The following TBL1XR1 variants were observed in gnomAD, a reference collection of about 807,000 sequenced individuals.
TBL1XR1 encodes the protein TBL1X/Y related 1.
TBL1XR1 carries 5 observed loss-of-function variants against 66.9 expected under a neutral mutation model. The observed-to-expected ratio is 0.07, with a 90% confidence interval of 0.04 to 0.16. TBL1XR1 has a LOEUF of 0.16. Among genes scored for constraint, TBL1XR1 ranks in the 10% least tolerant of loss-of-function variants. TBL1XR1 has a pLI of 1.00. For missense variants in TBL1XR1, 238 were observed against 623.2 expected (o/e 0.38, Z 6.58); for synonymous variants, 210 against 206.0 (o/e 1.02, Z -0.17).
intron 15 of TBL1XR1, 71 bp from the exon 16 acceptor site, chr3:177,025,595 T>C (rs1249123935): frequency 1.2e-5 from 17 of 1,423,148 alleles, no homozygotes; most frequent in Admixed American, 3.7e-5. Context: ...AACTTTTCTA[T>C]AGTACAATTT....
At chr3:177,192,922 G>A (rs1736347773) in intron 1 of TBL1XR1, among the ~76,000 whole-genome samples, 1 of 152,114 alleles carries the variant, frequency 6.6e-6, no homozygotes, top group Non-Finnish European at 1.5e-5. Flanking sequence ...GGAGGCCGAG[G>A]CAGGCACGTT....
Position 177,047,422 on chromosome 3 carries a change from A to T in TBL1XR1, c.767-25T>A, listed in dbSNP as rs749676930. ...CCTAAAATGCAAAAGAAAAACATTAACATTATTTTAAATTTTCTATCTTTA... is the reference window on the plus strand; with the variant it reads ...CCTAAAATGCAAAAGAAAAACATTATCATTATTTTAAATTTTCTATCTTTA... On this transcript the variant is annotated intron_variant, in intron 8 of 15. Transcript: ENST00000457928. 8 of 1,600,620 alleles carry T rather than the reference A, an allele frequency of 5.0e-6. No homozygotes were observed. The East Asian group carries it at 1.8e-4, about 36-fold the overall frequency.
intron 1 of TBL1XR1, among the ~76,000 whole-genome samples, chr3:177,195,129 A>C (rs904375729): frequency 1.1e-4 from 16 of 152,140 alleles, no homozygotes; most frequent in African/African-American, 3.6e-4. Flanking sequence ...CAAACGTCAA[A>C]AAAAATAGTA....
rs1717453156 is a variant in TBL1XR1 at position 177,053,992 on chromosome 3, C to T, written c.59-74G>A. ...TGCTAAATGACACAGAAAGAAAGAT[C>T]ACCATCATCTTTTCAAATCCCATCC... On this transcript the variant is annotated intron_variant, in intron 3 of 15. Transcript: ENST00000457928. 21 of 1,458,020 alleles carry T rather than the reference C, an allele frequency of 1.4e-5. 1 individual carries two copies. The South Asian group carries it at 2.5e-4, about 17-fold the overall frequency. The allele number at this position is 1,458,020 out of a possible 1,614,324, so 90.3% of individuals were successfully genotyped here.
In TBL1XR1 at chr3:177,066,330, C is replaced by T. The variant is rs535690458; in HGVS notation, c.-45-1308G>A. On this transcript the variant is annotated intron_variant, in intron 2 of 15. Coordinates refer to ENST00000457928, the MANE Select transcript of TBL1XR1 (RefSeq NM_024665.7). ...TTCTAGTGGACACACACAGAAGAAG[C>T]CCTAACTAAAGTTAGCAGTCTAGGA... 1.2e-4 allele frequency among the ~76,000 whole-genome samples: 19 copies of T among 152,136 alleles called. No homozygotes were observed. In the South Asian group the frequency reaches 4.0e-3, roughly 32 times the overall value.
chr3:177,127,214 GTA>G (rs1475802539), intron 1 of TBL1XR1, among the ~76,000 whole-genome samples: 1 of 152,124 alleles, frequency 6.6e-6, no homozygotes, highest in Non-Finnish European at 1.5e-5. Flanking sequence ...AGCTCAACTT[GTA>G]TATCTAGTTC....
chr3:177,140,479 T>C (rs1471644725), intron 1 of TBL1XR1, among the ~76,000 whole-genome samples: 1 of 152,208 alleles, frequency 6.6e-6, no homozygotes, highest in Non-Finnish European at 1.5e-5. Context: ...AAAGCACTGC[T>C]GTCAAGTCAG....
At chr3:177,163,068 T>C (rs1048535684) in intron 1 of TBL1XR1, among the ~76,000 whole-genome samples, 1 of 152,180 alleles carries the variant, frequency 6.6e-6, no homozygotes, top group African/African-American at 2.4e-5. Context: ...GATATCCTTT[T>C]ATGCATAGGG....
intron 1 of TBL1XR1, among the ~76,000 whole-genome samples, chr3:177,136,006 C>T (rs1182261123): frequency 6.6e-6 from 1 of 152,052 alleles, no homozygotes; most frequent in Non-Finnish European, 1.5e-5. Flanking sequence ...CCAAATCTCT[C>T]CATCTTCCCT....
intron 2 of TBL1XR1, among the ~76,000 whole-genome samples, chr3:177,068,295 T>C (rs1450323545): frequency 5.3e-5 from 8 of 152,194 alleles, no homozygotes; most frequent in African/African-American, 1.9e-4. Flanking sequence ...TGTATACTCA[T>C]AAAAGCTTTT....
At chr3:177,083,199 C>T (rs892277443) in intron 2 of TBL1XR1, among the ~76,000 whole-genome samples, 4 of 152,028 alleles carry the variant, frequency 2.6e-5, no homozygotes, top group African/African-American at 9.7e-5. Context: ...ATAATTTCCT[C>T]CCATAGCATT....
At chr3:177,028,636 C>T (rs529499485) in intron 14 of TBL1XR1, among the ~76,000 whole-genome samples, 6 of 152,108 alleles carry the variant, frequency 3.9e-5, no homozygotes, top group Non-Finnish European at 5.9e-5. Context: ...GGAGGTATAA[C>T]GTATTTATGG....
intron 1 of TBL1XR1, among the ~76,000 whole-genome samples, chr3:177,164,630 G>A (rs1346826100): frequency 6.6e-6 from 1 of 151,960 alleles, no homozygotes; most frequent in Non-Finnish European, 1.5e-5. Context: ...TTACAGGCGT[G>A]AGCCACTGCG....
At chr3:177,155,835 C>T (rs994491257) in intron 1 of TBL1XR1, among the ~76,000 whole-genome samples, 8 of 152,018 alleles carry the variant, frequency 5.3e-5, no homozygotes, top group African/African-American at 1.9e-4. Flanking sequence ...CATGGAGAAA[C>T]CCCATCTCTA....
At chr3:177,134,527 A>C (rs952651742) in intron 1 of TBL1XR1, among the ~76,000 whole-genome samples, 1 of 152,224 alleles carries the variant, frequency 6.6e-6, no homozygotes, top group East Asian at 1.9e-4. Context: ...AAGTGAAAAC[A>C]ATCAGTTATA....
intron 1 of TBL1XR1, among the ~76,000 whole-genome samples, chr3:177,185,952 A>G (rs1270007063): frequency 6.6e-6 from 1 of 152,166 alleles, no homozygotes; most frequent in Non-Finnish European, 1.5e-5. Flanking sequence ...TGGAGGGTAA[A>G]GTGAGCCATG....
At position 177,112,105 on chromosome 3, in the gene TBL1XR1, A is replaced by AT. The variant is rs1437717145; in HGVS notation, c.-121-13565dup. On this transcript the variant is annotated intron_variant, in intron 1 of 15. Transcript: ENST00000457928. ...TATATATATATATATATATATATATATATTTTTTTTTTTTTTTTTTGTGAG... is the reference window on the plus strand; with the variant it reads ...TATATATATATATATATATATATATATTATTTTTTTTTTTTTTTTTTGTGAG... Among the ~76,000 whole-genome samples the AT allele has an allele frequency of 5.7e-3, 229 of 40,252 alleles. 1 individual carries two copies. The highest frequency in any genetic ancestry group is 0.012 in the Admixed American group (42 of 3,608). 26.4% of individuals were successfully genotyped at this position (40,252 alleles called of 152,430 possible). A position where few individuals can be genotyped will look rare whatever the true frequency, so the allele number is the denominator to read the frequency against.
intron 1 of TBL1XR1, among the ~76,000 whole-genome samples, chr3:177,140,942 T>C (rs1729559861): frequency 6.6e-6 from 1 of 152,182 alleles, no homozygotes; most frequent in South Asian, 2.1e-4. Context: ...GTATATTATA[T>C]ATGGCCCAAG....
intron 2 of TBL1XR1, among the ~76,000 whole-genome samples, chr3:177,084,345 G>A (rs1027172116): frequency 9.2e-5 from 14 of 152,078 alleles, no homozygotes; most frequent in African/African-American, 3.4e-4. Context: ...CGTTTTGGCT[G>A]TCCCACCCCA....
Sources: gnomAD v4.1 joint callset for allele counts (sites outside exome capture counted in the v4.1 genomes callset) on GRCh38, gnomAD v4.1.1 for gene constraint, MANE v1.5 for transcripts, NCBI Gene and HGNC (gene_info 2026-07-23, HGNC 2026-07-21) for gene names.